Variants in FGD3 observed in about 807,000 individuals in gnomAD.
FGD3 encodes FYVE, RhoGEF and PH domain containing 3.
In FGD3, 45 loss-of-function variants were observed where a neutral mutation model predicts 71.8. The ratio of observed to expected loss-of-function variants is 0.63; its 90% confidence interval spans 0.49 to 0.80. The LOEUF (loss-of-function observed/expected upper bound fraction) is 0.80, where lower values mean the gene tolerates loss of function less well. Among genes scored for constraint, FGD3 ranks in the 30% least tolerant of loss-of-function variants. The pLI is 0.00. For missense variants in FGD3, 844 were observed against 951.5 expected, an observed-to-expected ratio of 0.89 and a Z score of 1.49; for synonymous variants, 378 against 392.8, an observed-to-expected ratio of 0.96 and a Z score of 0.44.
chr9:93,016,747 C>T (rs1253595334), intron 10 of FGD3, among the ~76,000 whole-genome samples: 1 of 151,928 alleles, frequency 6.6e-6, no homozygotes, highest in Non-Finnish European at 1.5e-5. Context: ...CTTCACCCTC[C>T]AGAATAGCTG....
At chr9:92,967,915 G>A (rs796357520) in intron 1 of FGD3, among the ~76,000 whole-genome samples, 7 of 152,282 alleles carry the variant, frequency 4.6e-5, no homozygotes, top group African/African-American at 1.7e-4. Context: ...CTATGGAGAG[G>A]CCACCTTTTC....
At position 92,971,542 on chromosome 9, in the gene FGD3, TTTTC is replaced by T. The variant is rs1424294947; in HGVS notation, c.-217-3692_-217-3689del. On this transcript the variant is annotated intron_variant, in intron 1 of 17. Transcript: ENST00000375482. ...AGTTCAAAGGCGATAAGGGTGGGAT[TTTTC>T]TTTTCTTTTCTTTTCTTTTCTTTTT... Among the ~76,000 whole-genome samples the T allele has an allele frequency of 1.0e-4, 7 of 68,894 alleles. No individual in the cohort carries two copies. In the East Asian group the frequency reaches 2.5e-3, roughly 24 times the overall value. The allele number at this position is 68,894 out of a possible 152,430, so 45.2% of individuals were successfully genotyped here. A position where few individuals can be genotyped will look rare whatever the true frequency, so the allele number is the denominator to read the frequency against.
intron 1 of FGD3, among the ~76,000 whole-genome samples, chr9:92,966,762 C>T (rs1286923031): frequency 2.6e-5 from 4 of 152,376 alleles, no homozygotes; most frequent in African/African-American, 9.6e-5. Context: ...CCCGCCTCCC[C>T]TGGACACCCC....
chr9:93,018,071 A>G, intron 10 of FGD3, 65 bp from the exon 11 acceptor site: 1 of 1,480,210 alleles, frequency 6.8e-7, no homozygotes, highest in Non-Finnish European at 9.4e-7. Context: ...TAAGTCAGAA[A>G]ACATGAGGCT....
At chr9:92,953,551 A>T (rs796863039) in intron 1 of FGD3, among the ~76,000 whole-genome samples, 6 of 152,180 alleles carry the variant, frequency 3.9e-5, no homozygotes, top group African/African-American at 1.4e-4. Context: ...TTTTACACAC[A>T]TTTTCCCAGG....
At chr9:92,979,737 C>T (rs1859911739) in intron 3 of FGD3, among the ~76,000 whole-genome samples, 2 of 152,120 alleles carry the variant, frequency 1.3e-5, no homozygotes, top group South Asian at 4.1e-4. Context: ...TGGTCCTGGA[C>T]ATTTGTTTGT....
chr9:93,030,160 T>G lies in FGD3; in HGVS notation c.1680+164T>G, dbSNP rs145332587. Reference sequence around the variant, plus strand: ...ATATAGATACCCTTGAGTGCAAAACTGTCCTGTCCGAAGTAGAATCAAATC... The same window carrying G: ...ATATAGATACCCTTGAGTGCAAAACGGTCCTGTCCGAAGTAGAATCAAATC... On this transcript the variant is annotated intron_variant, in intron 15 of 17. Coordinates refer to ENST00000375482, the MANE Select transcript of FGD3 (RefSeq NM_001083536.2). Among the ~76,000 whole-genome samples the G allele has an allele frequency of 2.3e-3, 357 of 152,296 alleles. 16 individuals are homozygous for G. Among genetic ancestry groups the G allele is most frequent in the Admixed American group, 0.021 (324 of 15,296 alleles).
chr9:92,956,536 A>G (rs1283825931), intron 1 of FGD3, among the ~76,000 whole-genome samples: 1 of 152,210 alleles, frequency 6.6e-6, no homozygotes, highest in Non-Finnish European at 1.5e-5. Flanking sequence ...CCACGTGAGG[A>G]CACAAGGATA....
At chr9:93,022,521 G>C in intron 14 of FGD3, 132 bp downstream of exon 14, 1 of 878,524 alleles carries the variant, frequency 1.1e-6, no homozygotes. Flanking sequence ...TGAGGGGCCA[G>C]TCTGCCCTGC....
At chr9:92,957,627 A>T (rs186070194) in intron 1 of FGD3, among the ~76,000 whole-genome samples, 12 of 134,722 alleles carry the variant, frequency 8.9e-5, no homozygotes, top group Admixed American at 8.7e-4. Context: ...AGATATATGT[A>T]TTGCAAATGT....
At chr9:92,964,642 G>A (rs866829246) in intron 1 of FGD3, among the ~76,000 whole-genome samples, 15 of 152,330 alleles carry the variant, frequency 9.8e-5, no homozygotes, top group African/African-American at 2.9e-4. Context: ...GTTGCCTATC[G>A]TCTGGGGGTG....
chr9:92,971,566 CTTTT>C (rs869043960), intron 1 of FGD3, among the ~76,000 whole-genome samples: 21 of 39,578 alleles, frequency 5.3e-4, no homozygotes, highest in Non-Finnish European at 6.5e-4. Flanking sequence ...CTTTTCTTTT[CTTTT>C]TTTTTTTTTT....
chr9:92,972,425 T>C (rs4302906), intron 1 of FGD3, among the ~76,000 whole-genome samples: 91,672 of 147,796 alleles, frequency 0.62, 28,609 homozygotes, highest in African/African-American at 0.69. Context: ...TGAACTCCAG[T>C]CTGTGTGACA....
At chr9:93,031,055 TAATG>T (rs1240268998) in intron 15 of FGD3, among the ~76,000 whole-genome samples, 1 of 151,172 alleles carries the variant, frequency 6.6e-6, no homozygotes, top group Non-Finnish European at 1.5e-5. Context: ...AATGAGTGGA[TAATG>T]AATGGGTGGA....
intron 6 of FGD3, among the ~76,000 whole-genome samples, chr9:93,008,855 C>A (rs1429504843): frequency 1.3e-5 from 2 of 151,600 alleles, no homozygotes; most frequent in African/African-American, 2.4e-5. Flanking sequence ...GTAATCCCAG[C>A]TACTTGGGAG....
intron 1 of FGD3, among the ~76,000 whole-genome samples, chr9:92,963,744 G>T (rs1470882551): frequency 6.6e-6 from 1 of 152,212 alleles, no homozygotes; most frequent in Non-Finnish European, 1.5e-5. Context: ...TGCCCTCCTG[G>T]TGGGGCTGCT....
chr9:92,980,495 T>G (rs762810579), intron 3 of FGD3, among the ~76,000 whole-genome samples: 1 of 152,124 alleles, frequency 6.6e-6, no homozygotes, highest in Non-Finnish European at 1.5e-5. Context: ...TCCTGCTAGC[T>G]TCAGTTTCAG....
rs1862124767 is a variant in FGD3, at chr9:93,026,636, G to A, written c.1558-3238G>A. ...GGACTCCCGGCACTGCCTCAGCCCT[G>A]AGCCACACTCACTGCTTCCAGAATT... On this transcript the variant is annotated intron_variant, in intron 14 of 17. Transcript: ENST00000375482. Among the ~76,000 whole-genome samples, 3 of 152,222 alleles carry A rather than the reference G, an allele frequency of 2.0e-5. No individual in the cohort carries two copies. In the South Asian group the frequency reaches 6.2e-4, roughly 32 times the overall value.
At chr9:92,954,466 C>G (rs547837806) in intron 1 of FGD3, among the ~76,000 whole-genome samples, 2 of 152,318 alleles carry the variant, frequency 1.3e-5, no homozygotes, top group South Asian at 4.2e-4. Flanking sequence ...ATTGGAGAAG[C>G]AGCCGGGCTC....
Sources: allele counts gnomAD v4.1 joint callset (sites outside exome capture counted in the v4.1 genomes callset), GRCh38; gene constraint gnomAD v4.1.1; transcripts MANE v1.5; gene names NCBI Gene and HGNC (gene_info 2026-07-23, HGNC 2026-07-21).